DGKB: variants seen among roughly 807,000 people sequenced by gnomAD.
DGKB encodes the protein diacylglycerol kinase beta.
Under a neutral mutation model 114.3 loss-of-function variants are expected in DGKB, and 67 were observed. That is an observed-to-expected ratio of 0.59 (90% CI 0.48 to 0.72). The LOEUF (loss-of-function observed/expected upper bound fraction) is 0.72, where lower values mean the gene tolerates loss of function less well. Ranked by LOEUF, DGKB falls within the 30% of genes least tolerant of loss-of-function variation. DGKB has a pLI of 0.00. For synonymous variants in DGKB, 398 were observed against 323.1 expected, an observed-to-expected ratio of 1.23 and a Z score of -2.49; for missense variants, 907 against 975.2, an observed-to-expected ratio of 0.93 and a Z score of 0.93.
chr7:14,352,003 G>A (rs1396945810), intron 21 of DGKB, among the ~76,000 whole-genome samples: 1 of 151,974 alleles, frequency 6.6e-6, no homozygotes, highest in East Asian at 1.9e-4. Context: ...ACCGAAGAAG[G>A]CAAACATTTT....
intron 1 of DGKB, among the ~76,000 whole-genome samples, chr7:14,867,423 T>C (rs1343211747): frequency 6.6e-6 from 1 of 150,516 alleles, no homozygotes; most frequent in Non-Finnish European, 1.5e-5. Context: ...TGTCTAGATG[T>C]CTAGATTCTG....
At chr7:14,662,860 TTTTC>T (rs1364100763) in intron 13 of DGKB, among the ~76,000 whole-genome samples, 3 of 152,068 alleles carry the variant, frequency 2.0e-5, no homozygotes, top group South Asian at 4.1e-4. Flanking sequence ...TTTAAATTCT[TTTTC>T]TTTATTATTT....
At chr7:14,715,288 G>A (rs756543092) in intron 6 of DGKB, among the ~76,000 whole-genome samples, 4 of 152,142 alleles carry the variant, frequency 2.6e-5, no homozygotes, top group Non-Finnish European at 4.4e-5. Flanking sequence ...AGCAGTTCTC[G>A]ACAGTTACAA....
intron 1 of DGKB, among the ~76,000 whole-genome samples, chr7:14,859,597 C>T (rs1026212208): frequency 4.6e-5 from 7 of 152,110 alleles, no homozygotes; most frequent in Admixed American, 3.3e-4. Context: ...GGAGAAAATA[C>T]ACATTTTCAG....
At chr7:14,251,179 T>G (rs1044284580) in intron 23 of DGKB, among the ~76,000 whole-genome samples, 1 of 152,160 alleles carries the variant, frequency 6.6e-6, no homozygotes, top group Non-Finnish European at 1.5e-5. Flanking sequence ...TGTTGTTTTC[T>G]GACTGCTTTG....
At chr7:14,649,400 T>C (rs2128894406) in intron 13 of DGKB, among the ~76,000 whole-genome samples, 1 of 149,780 alleles carries the variant, frequency 6.7e-6, no homozygotes, top group Middle Eastern at 3.4e-3. Context: ...AAACTAAGCT[T>C]CATAAGTGAA....
chr7:14,162,304 G>C (rs995281802), intron 25 of DGKB, among the ~76,000 whole-genome samples: 1 of 152,112 alleles, frequency 6.6e-6, no homozygotes, highest in African/African-American at 2.4e-5. Flanking sequence ...ACCATCAACT[G>C]GGAGATTATT....
chr7:14,336,990 T>C (rs1810793254), intron 23 of DGKB, among the ~76,000 whole-genome samples: 1 of 152,162 alleles, frequency 6.6e-6, no homozygotes, highest in South Asian at 2.1e-4. Context: ...TTGTATATAT[T>C]ATTTAGTGAA....
intron 21 of DGKB, among the ~76,000 whole-genome samples, chr7:14,402,454 G>A (rs1014492475): frequency 2.0e-5 from 3 of 151,474 alleles, no homozygotes; most frequent in Non-Finnish European, 2.9e-5. Flanking sequence ...CTGGGTGTGC[G>A]CTCTAGTCTA....
intron 13 of DGKB, among the ~76,000 whole-genome samples, chr7:14,640,498 G>A (rs1420521189): frequency 2.0e-5 from 3 of 152,194 alleles, no homozygotes; most frequent in Admixed American, 1.3e-4. Context: ...GGTTGAATAA[G>A]TCAAAGCTCT....
At chr7:14,217,305 C>T (rs1243320174) in intron 23 of DGKB, among the ~76,000 whole-genome samples, 2 of 152,162 alleles carry the variant, frequency 1.3e-5, no homozygotes, top group South Asian at 2.1e-4. Flanking sequence ...CTTTCCTCTA[C>T]CTTTATTTGA....
At chr7:14,973,270 G>A (rs1367319229) in intron 1 of DGKB, among the ~76,000 whole-genome samples, 1 of 151,526 alleles carries the variant, frequency 6.6e-6, no homozygotes, top group Non-Finnish European at 1.5e-5. Context: ...ATACTATTAA[G>A]GAATATTCAA....
At chr7:14,347,470 C>G (rs1812675163) in intron 21 of DGKB, among the ~76,000 whole-genome samples, 1 of 151,922 alleles carries the variant, frequency 6.6e-6, no homozygotes, top group Non-Finnish European at 1.5e-5. Flanking sequence ...GAAATCAATA[C>G]CTCAAAGAGG....
intron 4 of DGKB, among the ~76,000 whole-genome samples, chr7:14,752,975 C>T (rs1195030754): frequency 6.6e-6 from 1 of 152,112 alleles, no homozygotes; most frequent in Non-Finnish European, 1.5e-5. Context: ...CAGGAAAAGG[C>T]CATGCTCTGA....
At position 14,647,808 on chromosome 7, in the gene DGKB, A is replaced by G. The variant is rs552549707; in HGVS notation, c.1135-17540T>C. Among the ~76,000 whole-genome samples, 9 of 152,352 alleles carry G rather than the reference A, an allele frequency of 5.9e-5. No individual in the cohort carries two copies. In the South Asian group the frequency reaches 1.2e-3, roughly 21 times the overall value. On this transcript the variant is annotated intron_variant, in intron 13 of 25. Coordinates refer to ENST00000402815, the MANE Select transcript of DGKB (RefSeq NM_001350709.2). ...GCGCGCACCATGCGCGAGCCGAAGCAGGGCGAGGCATTGCCTCACTTGGGA... is the reference window on the plus strand; with the variant it reads ...GCGCGCACCATGCGCGAGCCGAAGCGGGGCGAGGCATTGCCTCACTTGGGA...
At chr7:14,642,851 T>A (rs1470653040) in intron 13 of DGKB, among the ~76,000 whole-genome samples, 3 of 152,228 alleles carry the variant, frequency 2.0e-5, no homozygotes, top group East Asian at 1.9e-4. Context: ...TAATTTCCCA[T>A]CCTCACTTTA....
intron 2 of DGKB, among the ~76,000 whole-genome samples, chr7:14,784,188 G>T (rs1206364342): frequency 6.6e-6 from 1 of 151,506 alleles, no homozygotes; most frequent in East Asian, 1.9e-4. Flanking sequence ...ATCCTTTTCA[G>T]CTGAAGCTCT....
chr7:14,710,986 A>G (rs572652495), intron 6 of DGKB, among the ~76,000 whole-genome samples: 41 of 152,170 alleles, frequency 2.7e-4, no homozygotes, highest in African/African-American at 9.9e-4. Flanking sequence ...ATTAAATGGA[A>G]AAAGCCATGC....
intron 2 of DGKB, among the ~76,000 whole-genome samples, chr7:14,796,459 T>A (rs1257811007): frequency 6.6e-6 from 1 of 152,082 alleles, no homozygotes; most frequent in African/African-American, 2.4e-5. Flanking sequence ...CAATGGAAAT[T>A]TTAAACAAGT....
Sources: allele counts gnomAD v4.1 joint callset (sites outside exome capture counted in the v4.1 genomes callset), GRCh38; gene constraint gnomAD v4.1.1; transcripts MANE v1.5; gene names NCBI Gene and HGNC (gene_info 2026-07-23, HGNC 2026-07-21).